Variants in FMN1 observed in about 807,000 individuals in gnomAD.
The protein encoded by FMN1 is formin-1.
In FMN1, 110 loss-of-function variants were observed where a neutral mutation model predicts 132.4. That is an observed-to-expected ratio of 0.83 (90% CI 0.71 to 0.97). The LOEUF (loss-of-function observed/expected upper bound fraction) is 0.97. FMN1 is among the 50% of genes least tolerant of loss of function. FMN1 has a pLI of 0.00. For synonymous variants in FMN1, 722 were observed against 651.7 expected, an observed-to-expected ratio of 1.11 and a Z score of -1.64; for missense variants, 1,792 against 1,705.3, an observed-to-expected ratio of 1.05 and a Z score of -0.90.
intron 5 of FMN1, chr15:33,067,844 G>A (rs746773734): frequency 3.7e-6 from 6 of 1,613,652 alleles, no homozygotes; most frequent in South Asian, 1.1e-5. Flanking sequence ...TGCTGGTTCT[G>A]ACACATCACT....
At chr15:33,032,326 A>T (rs900863261) in intron 6 of FMN1, among the ~76,000 whole-genome samples, 1 of 152,262 alleles carries the variant, frequency 6.6e-6, no homozygotes, top group Non-Finnish European at 1.5e-5. Context: ...TGTAGATGCA[A>T]GTATTCATTA....
intron 6 of FMN1, among the ~76,000 whole-genome samples, chr15:33,037,552 A>G (rs1378356724): frequency 6.6e-6 from 1 of 152,182 alleles, no homozygotes; most frequent in Non-Finnish European, 1.5e-5. Context: ...GGTTATAACC[A>G]CTGAAAACCA....
intron 19 of FMN1, among the ~76,000 whole-genome samples, chr15:32,795,766 C>T (rs2057269033): frequency 6.6e-6 from 1 of 152,196 alleles, no homozygotes; most frequent in South Asian, 2.1e-4. Flanking sequence ...GAGTGGGTCA[C>T]AGACTGCACG....
intron 2 of FMN1, among the ~76,000 whole-genome samples, chr15:33,193,183 G>A (rs867915498): frequency 3.9e-5 from 6 of 152,046 alleles, no homozygotes; most frequent in African/African-American, 9.7e-5. Flanking sequence ...AAGAAGACCC[G>A]AGACCTCATT....
chr15:32,910,942 G>GA (rs1247147839), intron 10 of FMN1, among the ~76,000 whole-genome samples: 2 of 152,172 alleles, frequency 1.3e-5, no homozygotes, highest in Non-Finnish European at 2.9e-5. Flanking sequence ...AAGAAAGAGA[G>GA]AAAAAAGACA....
At chr15:32,841,982 T>C (rs1413180470) in intron 17 of FMN1, among the ~76,000 whole-genome samples, 1 of 152,152 alleles carries the variant, frequency 6.6e-6, no homozygotes, top group African/African-American at 2.4e-5. Flanking sequence ...GACACCGTGG[T>C]AGCTTGTCTC....
At chr15:32,959,321 C>G (rs2030229654) in intron 9 of FMN1, among the ~76,000 whole-genome samples, 1 of 152,158 alleles carries the variant, frequency 6.6e-6, no homozygotes, top group Non-Finnish European at 1.5e-5. Flanking sequence ...GGAAAGAAAA[C>G]AAACATCTGA....
At chr15:32,798,700 A>T (rs1243798059) in intron 19 of FMN1, 104 bp downstream of exon 19, 2 of 1,093,580 alleles carry the variant, frequency 1.8e-6, no homozygotes, top group African/African-American at 3.2e-5. Context: ...ACTTCATCCG[A>T]AAGAAAACAT....
intron 9 of FMN1, among the ~76,000 whole-genome samples, chr15:32,958,130 T>C (rs760066526): frequency 1.8e-4 from 27 of 152,206 alleles, no homozygotes; most frequent in Non-Finnish European, 3.4e-4. Flanking sequence ...AGCACATCTT[T>C]TTACTCAAAG....
rs558503273 is a variant in FMN1 at position 32,924,417 on chromosome 15, G to A, written c.3226+1757C>T. Among the ~76,000 whole-genome samples, 51 of 152,228 alleles carry A rather than the reference G, an allele frequency of 3.4e-4. 1 individual carries two copies. Among genetic ancestry groups the A allele is most frequent in the African/African-American group, 1.0e-3 (43 of 41,486 alleles). On this transcript the variant is annotated intron_variant, in intron 10 of 20. Transcript: ENST00000616417. The stretch of plus-strand genomic sequence containing the variant: ...GCTCCCTTGAATGGAAAAGTAGCAG[G>A]TGATGTGAAAGTAACTTAAGTGTCT...
chr15:32,805,100 T>C (rs142099311), intron 17 of FMN1, among the ~76,000 whole-genome samples: 29,546 of 152,174 alleles, frequency 0.19, 2,881 homozygotes, highest in Middle Eastern at 0.23. Flanking sequence ...TCTTCCACAA[T>C]GGTTGAACTA....
intron 7 of FMN1, among the ~76,000 whole-genome samples, chr15:32,988,502 G>A (rs1383961182): frequency 6.6e-6 from 1 of 152,148 alleles, no homozygotes; most frequent in South Asian, 2.1e-4. Flanking sequence ...ACCATTATGA[G>A]TTGAGTGATG....
intron 10 of FMN1, among the ~76,000 whole-genome samples, chr15:32,922,164 G>C (rs2060843546): frequency 6.6e-6 from 1 of 152,264 alleles, no homozygotes; most frequent in South Asian, 2.1e-4. Flanking sequence ...GTTAGAGCCT[G>C]ATCTTATGTG....
At chr15:32,954,185 A>T (rs1383075439) in intron 9 of FMN1, among the ~76,000 whole-genome samples, 1 of 152,158 alleles carries the variant, frequency 6.6e-6, no homozygotes, top group Non-Finnish European at 1.5e-5. Flanking sequence ...CTACATAAAA[A>T]ACTTGGTTTG....
chr15:32,898,933 T>A (rs765412167), intron 14 of FMN1, 40 bp from the exon 15 acceptor site: 2 of 1,335,342 alleles, frequency 1.5e-6, no homozygotes, highest in Non-Finnish European at 2.1e-6. Flanking sequence ...ATCATTCCCA[T>A]GAGACTGTCA....
intron 6 of FMN1, among the ~76,000 whole-genome samples, chr15:33,056,404 A>G (rs1177231948): frequency 6.6e-6 from 1 of 152,236 alleles, no homozygotes; most frequent in Non-Finnish European, 1.5e-5. Flanking sequence ...CAGAAGATTT[A>G]TAGTCAGAAA....
In FMN1 at chr15:33,154,265, T is replaced by C; in HGVS notation, c.650A>G (p.Lys217Arg). ...TRPNLWVLEE[K>R]GNLLPNGALA... ...TGCCCCATTCGGGAGCAGATTTCCT[T>C]TCTCCTCTAGTACCCAAAGGTTAGG... The change falls in exon 4 of 21, where the codon AAA (lysine) becomes AGA (arginine). Residue 217 changes from lysine (K) to arginine (R), a missense_variant. Around this residue, in one of 3 missense-constraint regions of FMN1, gnomAD observed 638 missense variants for 645.2 expected, o/e 0.99. Coordinates refer to ENST00000616417, the MANE Select transcript of FMN1 (RefSeq NM_001277313.2). 1 of 1,536,164 alleles carries C rather than the reference T, an allele frequency of 6.5e-7. No homozygotes were observed. The highest frequency in any genetic ancestry group is 8.7e-7 in the Non-Finnish European group (1 of 1,146,908).
intron 4 of FMN1, among the ~76,000 whole-genome samples, chr15:33,126,413 T>G (rs756439262): frequency 1.3e-5 from 2 of 152,054 alleles, no homozygotes; most frequent in African/African-American, 4.8e-5. Context: ...GCCCAGAGCT[T>G]CTGGAGGGTG....
intron 13 of FMN1, 65 bp from the exon 14 acceptor site, chr15:32,900,190 C>A (rs777053373): frequency 3.6e-5 from 55 of 1,524,976 alleles, no homozygotes; most frequent in East Asian, 6.8e-5. Context: ...CATTCAGTAA[C>A]AAATATCGAC....
Sources: gnomAD v4.1 joint callset for allele counts (sites outside exome capture counted in the v4.1 genomes callset) on GRCh38, gnomAD v4.1.1 for gene constraint, gnomAD v4.1.1 regional missense constraint, MANE v1.5 for transcripts, NCBI Gene and HGNC (gene_info 2026-07-23, HGNC 2026-07-21) for gene names.